Variants in FGF12 observed in about 807,000 individuals in gnomAD.
FGF12 encodes fibroblast growth factor 12.
Under a neutral mutation model 23.6 loss-of-function variants are expected in FGF12, and 14 were observed. The ratio of observed to expected loss-of-function variants is 0.59; its 90% CI spans 0.39 to 0.93. FGF12 has a LOEUF of 0.93. Ranked by LOEUF, FGF12 falls within the 40% of genes least tolerant of loss-of-function variation. The pLI is 0.00. For missense variants in FGF12, 175 were observed against 217.8 expected (o/e 0.80, Z 1.24); for synonymous variants, 62 against 77.3 (o/e 0.80, Z 1.04).
intron 2 of FGF12, among the ~76,000 whole-genome samples, chr3:192,420,965 GA>G (rs150737729): frequency 2.0e-5 from 3 of 150,602 alleles, no homozygotes; most frequent in South Asian, 2.1e-4. Flanking sequence ...CTACAAATTG[GA>G]AAAAAAAAGT....
At chr3:192,439,976 G>GGA (rs1273894007) in intron 2 of FGF12, among the ~76,000 whole-genome samples, 2 of 114,172 alleles carry the variant, frequency 1.8e-5, no homozygotes, top group African/African-American at 6.6e-5. Flanking sequence ...ACTCCATATG[G>GGA]AAAAAAAAAA....
At chr3:192,195,081 C>T (rs9836672) in intron 4 of FGF12, among the ~76,000 whole-genome samples, 5,464 of 152,292 alleles carry the variant, frequency 0.036, 167 homozygotes, top group Middle Eastern at 0.12. Context: ...TGCAGATTGG[C>T]AGTCCTATAC....
intron 2 of FGF12, among the ~76,000 whole-genome samples, chr3:192,442,013 C>T (rs1722215602): frequency 6.6e-6 from 1 of 152,084 alleles, no homozygotes; most frequent in Non-Finnish European, 1.5e-5. Context: ...TTTTAGAAGC[C>T]TAATTTTGAT....
chr3:192,408,335 C>A lies in FGF12; in HGVS notation c.14-47797G>T. The A allele has an allele frequency of 7.0e-7, 1 of 1,432,036 alleles. No individual in the cohort carries two copies. The highest frequency in any genetic ancestry group is 1.5e-5 in the South Asian group (1 of 67,868). 88.7% of individuals were successfully genotyped at this position (1,432,036 alleles called of 1,614,324 possible). On this transcript the variant is annotated intron_variant, in intron 2 of 5. Coordinates refer to ENST00000445105, the MANE Select transcript of FGF12 (RefSeq NM_004113.6). The surrounding 1 kb of genome is among the most constrained non-coding windows in gnomAD (Gnocchi z 7.3). ...CAGGGAAAGGGCAGTCGCGGGGAGG[C>A]AGTGCTAAAATTTGAGGAGGCTGCA...
intron 2 of FGF12, among the ~76,000 whole-genome samples, chr3:192,575,350 A>G (rs766630094): frequency 1.3e-5 from 2 of 152,258 alleles, no homozygotes; most frequent in Admixed American, 1.3e-4. Flanking sequence ...TTAAACCTCA[A>G]TAGAGCTATA....
intron 5 of FGF12, among the ~76,000 whole-genome samples, chr3:192,154,587 T>C (rs1169587206): frequency 6.6e-6 from 1 of 151,590 alleles, no homozygotes; most frequent in Non-Finnish European, 1.5e-5. Context: ...GAGGTGTCAG[T>C]GTGCCCCTGC....
intron 4 of FGF12, among the ~76,000 whole-genome samples, chr3:192,255,398 T>A (rs886070491): frequency 6.6e-6 from 1 of 151,940 alleles, no homozygotes; most frequent in Non-Finnish European, 1.5e-5. Context: ...GAGAAAACAT[T>A]TCAGAGTTTT....
chr3:192,296,273 G>C (rs1204440290), intron 4 of FGF12, among the ~76,000 whole-genome samples: 1 of 150,246 alleles, frequency 6.7e-6, no homozygotes, highest in Non-Finnish European at 1.5e-5. Context: ...ACCCAGGCTG[G>C]AGTGCAGTGG....
At chr3:192,345,142 A>G (rs1241622486) in intron 3 of FGF12, among the ~76,000 whole-genome samples, 1 of 152,224 alleles carries the variant, frequency 6.6e-6, no homozygotes. Flanking sequence ...TTCATCACAT[A>G]TATTCCAGAC....
intron 2 of FGF12, among the ~76,000 whole-genome samples, chr3:192,659,286 A>G (rs1328497257): frequency 2.6e-5 from 4 of 152,128 alleles, no homozygotes; most frequent in Non-Finnish European, 4.4e-5. Context: ...AAAAAATATG[A>G]CCTGACAGAA....
chr3:192,721,244 T>A (rs1719030310), intron 2 of FGF12, among the ~76,000 whole-genome samples: 1 of 152,200 alleles, frequency 6.6e-6, no homozygotes. Context: ...GAAAGTCAGA[T>A]TATAATTCTA....
intron 2 of FGF12, among the ~76,000 whole-genome samples, chr3:192,697,741 T>G (rs1243311975): frequency 6.6e-6 from 1 of 152,162 alleles, no homozygotes; most frequent in Non-Finnish European, 1.5e-5. Context: ...TTTCACTGAC[T>G]TCACTGGCTT....
At chr3:192,513,294 C>T (rs1724550642) in intron 2 of FGF12, among the ~76,000 whole-genome samples, 2 of 151,984 alleles carry the variant, frequency 1.3e-5, no homozygotes, top group Admixed American at 1.3e-4. Flanking sequence ...TGGTATGATG[C>T]GTTTTAGTAC....
intron 4 of FGF12, among the ~76,000 whole-genome samples, chr3:192,239,864 TA>T (rs1414691072): frequency 1.3e-5 from 2 of 152,322 alleles, no homozygotes; most frequent in East Asian, 3.9e-4. Flanking sequence ...GCTAATGGGG[TA>T]ACCCAAGTCA....
chr3:192,145,690 C>G (rs112182511), intron 5 of FGF12, among the ~76,000 whole-genome samples: 1 of 152,160 alleles, frequency 6.6e-6, no homozygotes, highest in African/African-American at 2.4e-5. Context: ...AATTACTGCA[C>G]GGATGGCTCT....
chr3:192,604,368 A>T (rs1371972840), intron 2 of FGF12, among the ~76,000 whole-genome samples: 1 of 152,200 alleles, frequency 6.6e-6, no homozygotes, highest in East Asian at 1.9e-4. Context: ...GGCATAAGAA[A>T]TTATAAAAGT....
intron 2 of FGF12, among the ~76,000 whole-genome samples, chr3:192,581,233 G>A (rs1713121925): frequency 6.6e-6 from 1 of 151,790 alleles, no homozygotes; most frequent in Non-Finnish European, 1.5e-5. Context: ...AGTATGTAGA[G>A]AATTATAAGA....
intron 2 of FGF12, among the ~76,000 whole-genome samples, chr3:192,552,199 CAT>C (rs538433687): frequency 1.5e-3 from 227 of 151,932 alleles, no homozygotes; most frequent in African/African-American, 5.1e-3. Context: ...AATTTGAAAA[CAT>C]GTGAATATAA....
chr3:192,303,983 C>A (rs897839996), intron 4 of FGF12, among the ~76,000 whole-genome samples: 2 of 152,194 alleles, frequency 1.3e-5, no homozygotes, highest in Admixed American at 6.5e-5. Context: ...TAAGCCATTT[C>A]ATCTTTATTT....
Sources: gnomAD v4.1 joint callset for allele counts (sites outside exome capture counted in the v4.1 genomes callset) on GRCh38, gnomAD v4.1.1 for gene constraint, Gnocchi (gnomAD v3.1) non-coding constraint, MANE v1.5 for transcripts, NCBI Gene and HGNC (gene_info 2026-07-23, HGNC 2026-07-21) for gene names.